Variants in PHLPP1 observed in about 807,000 individuals in gnomAD.
PHLPP1 encodes the protein PH domain and leucine rich repeat protein phosphatase 1.
PHLPP1 carries 42 observed loss-of-function variants against 117.2 expected under a neutral mutation model. The observed-to-expected ratio is 0.36, with a 90% CI of 0.28 to 0.46. PHLPP1 has a LOEUF of 0.46. Among genes scored for constraint, PHLPP1 ranks in the 20% least tolerant of loss-of-function variants. The pLI is 1.00. For synonymous variants in PHLPP1, 1,042 were observed against 970.7 expected (o/e 1.07, Z -1.37); for missense variants, 2,084 against 2,241.9 (o/e 0.93, Z 1.42).
chr18:62,971,548 C>A, intron 14 of PHLPP1, among the ~76,000 whole-genome samples: 1 of 152,238 alleles, frequency 6.6e-6, no homozygotes, highest in South Asian at 2.1e-4. Context: ...GCCACCTTGT[C>A]CTCCTTCAGC....
chr18:62,763,289 A>G (rs2069656326), intron 1 of PHLPP1, among the ~76,000 whole-genome samples: 1 of 152,206 alleles, frequency 6.6e-6, no homozygotes, highest in South Asian at 2.1e-4. Context: ...TTCTGAAATA[A>G]GTATATAGTG....
intron 1 of PHLPP1, among the ~76,000 whole-genome samples, chr18:62,724,271 G>A (rs1234862033): frequency 6.6e-6 from 1 of 152,172 alleles, no homozygotes; most frequent in Non-Finnish European, 1.5e-5. Context: ...AGTTCATCAA[G>A]TTTACTCTAA....
chr18:62,834,717 C>T (rs1914845402), intron 2 of PHLPP1, among the ~76,000 whole-genome samples: 1 of 152,170 alleles, frequency 6.6e-6, no homozygotes, highest in African/African-American at 2.4e-5. Flanking sequence ...AGTTTTATAA[C>T]TGTACACTCC....
chr18:62,897,167 T>C (rs1568154104), intron 6 of PHLPP1, among the ~76,000 whole-genome samples: 3 of 152,192 alleles, frequency 2.0e-5, no homozygotes, highest in African/African-American at 7.2e-5. Flanking sequence ...TGACCTCAGG[T>C]AGTAAGAATG....
At chr18:62,865,898 A>C (rs1005380529) in intron 4 of PHLPP1, among the ~76,000 whole-genome samples, 2 of 152,216 alleles carry the variant, frequency 1.3e-5, no homozygotes, top group Admixed American at 6.5e-5. Context: ...GAGGGCAGGA[A>C]GAAGGAGAGG....
At chr18:62,776,610 T>G (rs938158503) in intron 1 of PHLPP1, among the ~76,000 whole-genome samples, 6 of 125,652 alleles carry the variant, frequency 4.8e-5, no homozygotes, top group Non-Finnish European at 9.3e-5. Context: ...TTGCTGAGTG[T>G]TTTTTTTTTT....
chr18:62,863,936 G>A (rs1244698109), intron 4 of PHLPP1, among the ~76,000 whole-genome samples: 1 of 152,120 alleles, frequency 6.6e-6, no homozygotes, highest in Non-Finnish European at 1.5e-5. Flanking sequence ...TCAAGATGGA[G>A]TCACTCAGGT....
At chr18:62,927,141 C>G (rs1450819667) in intron 10 of PHLPP1, among the ~76,000 whole-genome samples, 1 of 152,184 alleles carries the variant, frequency 6.6e-6, no homozygotes. Context: ...AAAGGTTCTA[C>G]AAGACAAGTG....
chr18:62,822,265 G>GTTTTTTTTTGTTTTGTT (rs1914481126), intron 1 of PHLPP1, among the ~76,000 whole-genome samples: 1 of 116,180 alleles, frequency 8.6e-6, no homozygotes, highest in Non-Finnish European at 1.9e-5. Flanking sequence ...AGAAAATAGT[G>GTTTTTTTTTGTTTTGTT]TTTTTTTTTT....
intron 4 of PHLPP1, among the ~76,000 whole-genome samples, chr18:62,886,580 C>T (rs953726834): frequency 6.6e-6 from 1 of 152,114 alleles, no homozygotes; most frequent in Admixed American, 6.6e-5. Context: ...AGCCTTTGCA[C>T]TTTGTTATAG....
intron 4 of PHLPP1, among the ~76,000 whole-genome samples, chr18:62,880,985 C>G (rs577265016): frequency 6.6e-6 from 1 of 152,260 alleles, no homozygotes; most frequent in East Asian, 1.9e-4. Context: ...TAGGATTAAC[C>G]CAGCCTAAGG....
intron 3 of PHLPP1, among the ~76,000 whole-genome samples, chr18:62,851,173 C>G (rs1915341094): frequency 6.6e-6 from 1 of 152,162 alleles, no homozygotes; most frequent in Non-Finnish European, 1.5e-5. Flanking sequence ...CTCCTCATCC[C>G]CATCCCCTCA....
At chr18:62,811,632 C>T (rs1271189801) in intron 1 of PHLPP1, among the ~76,000 whole-genome samples, 2 of 150,822 alleles carry the variant, frequency 1.3e-5, no homozygotes, top group African/African-American at 4.9e-5. Flanking sequence ...AGTGAGAACT[C>T]TATGGATTTT....
Position 62,715,770 on chromosome 18 carries a change from G to GGCAGCAGCA in PHLPP1, c.96_104dup (p.Ala38_Ala40dup), listed in dbSNP as rs754224940. On this transcript the variant is annotated inframe_insertion, in exon 1 of 17. Coordinates refer to ENST00000262719, the MANE Select transcript of PHLPP1 (RefSeq NM_194449.4). ...CTTCGGCTCCGGCGGCCGCCGCTGC[G>GGCAGCAGCA]GCAGCAGCAGCAGCAGCGGCGGCCG... is the stretch of plus-strand genomic sequence containing the variant. 6 of 948,650 alleles carry GGCAGCAGCA rather than the reference G, an allele frequency of 6.3e-6. No homozygotes were observed. The East Asian group carries it at 1.6e-4, about 25-fold the overall frequency. 58.8% of individuals were successfully genotyped at this position (948,650 alleles called of 1,614,324 possible).
intron 4 of PHLPP1, among the ~76,000 whole-genome samples, chr18:62,892,082 C>CTTTT (rs200141250): frequency 1.2e-3 from 126 of 107,908 alleles, no homozygotes; most frequent in East Asian, 3.0e-3. Context: ...TTCTTTCTTT[C>CTTTT]TTTTTTTTTT....
chr18:62,946,429 C>T (rs746525313), intron 12 of PHLPP1, among the ~76,000 whole-genome samples: 25 of 152,084 alleles, frequency 1.6e-4, no homozygotes, highest in Non-Finnish European at 3.2e-4. Context: ...CCATGCCCAG[C>T]TAACTTTTGT....
intron 9 of PHLPP1, among the ~76,000 whole-genome samples, chr18:62,918,243 A>G (rs1909359341): frequency 6.6e-6 from 1 of 151,440 alleles, no homozygotes; most frequent in Non-Finnish European, 1.5e-5. Flanking sequence ...ACAAAAGAGA[A>G]ATTATTAGAG....
chr18:62,893,906 A>C lies in PHLPP1; in HGVS notation c.2067-1105A>C, dbSNP rs189595866. Among the ~76,000 whole-genome samples, 399 of 152,314 alleles carry C rather than the reference A, an allele frequency of 2.6e-3. 2 individuals carry two copies. The highest frequency in any genetic ancestry group is 9.4e-3 in the African/African-American group (389 of 41,572). ...AAAGAAGTGCCAGTTTGGAATAAAG[A>C]TGGTAAGTTCAGTTTGGGGCTGGAA... On this transcript the variant is annotated intron_variant, in intron 4 of 16. Coordinates refer to ENST00000262719, the MANE Select transcript of PHLPP1 (RefSeq NM_194449.4).
At chr18:62,760,255 G>A (rs1461924144) in intron 1 of PHLPP1, among the ~76,000 whole-genome samples, 1 of 151,830 alleles carries the variant, frequency 6.6e-6, no homozygotes. Flanking sequence ...ATGAAGTGAA[G>A]CAGCAGCTGC....
Sources: gnomAD v4.1 joint callset for allele counts (sites outside exome capture counted in the v4.1 genomes callset) on GRCh38, gnomAD v4.1.1 for gene constraint, MANE v1.5 for transcripts, NCBI Gene and HGNC (gene_info 2026-07-23, HGNC 2026-07-21) for gene names.